Variants in PCDH15 observed in about 807,000 individuals in gnomAD.
PCDH15 encodes protocadherin-15.
In PCDH15, 129 loss-of-function variants were observed where a neutral mutation model predicts 178.5. The observed-to-expected ratio is 0.72, with a 90% confidence interval of 0.63 to 0.84. The LOEUF is 0.84. PCDH15 is among the 40% of genes least tolerant of loss of function. PCDH15 has a pLI of 0.00. For synonymous variants in PCDH15, 800 were observed against 732.0 expected, an observed-to-expected ratio of 1.09 and a Z score of -1.50; for missense variants, 2,230 against 2,099.9, an observed-to-expected ratio of 1.06 and a Z score of -1.21.
chr10:54,950,546 C>G (rs956043947), intron 2 of PCDH15, among the ~76,000 whole-genome samples: 2 of 151,988 alleles, frequency 1.3e-5, no homozygotes, highest in African/African-American at 4.8e-5. Context: ...TGAGGCCTCC[C>G]TAGCCATGTG....
intron 3 of PCDH15, among the ~76,000 whole-genome samples, chr10:54,809,779 G>A (rs996799595): frequency 5.3e-5 from 8 of 151,770 alleles, no homozygotes; most frequent in Non-Finnish European, 1.0e-4. Context: ...AAGAGACAAA[G>A]AACAAAAAAA....
chr10:53,931,475 T>C (rs1168096811), intron 25 of PCDH15, among the ~76,000 whole-genome samples: 1 of 152,214 alleles, frequency 6.6e-6, no homozygotes, highest in Non-Finnish European at 1.5e-5. Context: ...TTTTAGGCTA[T>C]TGGGATACAT....
At chr10:53,886,604 T>C (rs2081117755) in intron 26 of PCDH15, among the ~76,000 whole-genome samples, 2 of 144,584 alleles carry the variant, frequency 1.4e-5, no homozygotes, top group Admixed American at 7.0e-5. Context: ...TCTTTTTTTT[T>C]TTTTTTTTTT....
chr10:53,888,300 A>ATATATATACATATATACG (rs2081258306), intron 26 of PCDH15, among the ~76,000 whole-genome samples: 1 of 82,018 alleles, frequency 1.2e-5, no homozygotes, highest in African/African-American at 5.0e-5. Context: ...ACATATATAT[A>ATATATATACATATATACG]TATATATATG....
chr10:53,934,554 C>T (rs376225888), intron 25 of PCDH15, among the ~76,000 whole-genome samples: 34 of 150,826 alleles, frequency 2.3e-4, no homozygotes, highest in East Asian at 2.2e-3. Context: ...GCCCAGATCA[C>T]GCCACTGCAC....
At chr10:54,850,060 A>C (rs118177343) in intron 3 of PCDH15, among the ~76,000 whole-genome samples, 3,038 of 152,186 alleles carry the variant, frequency 0.02, 32 homozygotes, top group Non-Finnish European at 0.031. Context: ...TGGATAATAA[A>C]TTCTTTAAAT....
intron 2 of PCDH15, among the ~76,000 whole-genome samples, chr10:54,556,295 C>G (rs909948609): frequency 1.3e-5 from 2 of 152,160 alleles, no homozygotes; most frequent in Non-Finnish European, 2.9e-5. Context: ...TGTACCTGGA[C>G]AGTTTTACTG....
In PCDH15 at chr10:54,022,983, A is replaced by G. The variant is rs61731363; in HGVS notation, c.2435T>C (p.Ile812Thr). 969 of 1,613,974 alleles carry G rather than the reference A, an allele frequency of 6.0e-4. 4 individuals are homozygous for G. The African/African-American group carries it at 0.011, about 19-fold the overall frequency. The change falls in exon 19 of 38, where the codon ATT becomes ACT. Residue 812 changes from isoleucine (I) to threonine (T), a missense_variant. Ile to Thr is a moderately conservative substitution (Grantham distance 89, BLOSUM62 -1). Transcript: ENST00000644397. ...TLTLAIKVLDIDDNSPVFTNS... is the reference protein window; with the variant it reads ...TLTLAIKVLDTDDNSPVFTNS... The stretch of plus-strand genomic sequence containing the variant: ...GGTGAACACAGGACTGTTATCATCA[A>G]TGTCCAAAACCTTGATGGCCAAGGT...
At chr10:55,605,598 A>T (rs905355375) in intron 2 of PCDH15, among the ~76,000 whole-genome samples, 5 of 149,786 alleles carry the variant, frequency 3.3e-5, no homozygotes, top group Non-Finnish European at 1.5e-5. Flanking sequence ...CATTATACGC[A>T]AATCAATAAA....
rs908884526 is a variant in PCDH15, at chr10:55,180,520, A to G, written c.-155-13869T>C. Among the ~76,000 whole-genome samples, 22 of 152,138 alleles carry G rather than the reference A, an allele frequency of 1.4e-4. 1 individual carries two copies. The highest frequency in any genetic ancestry group is 1.2e-3 in the Admixed American group (19 of 15,250). On this transcript the variant is annotated intron_variant, in intron 1 of 5. Coordinates refer to the PCDH15 transcript ENST00000458638. ...CTATTCACTTGTCCATCTATTCAAC[A>G]GTGATTTATGAAATGCCTGCTATGA...
intron 2 of PCDH15, among the ~76,000 whole-genome samples, chr10:55,382,448 G>T (rs1837558270): frequency 1.3e-5 from 2 of 152,154 alleles, no homozygotes; most frequent in Non-Finnish European, 2.9e-5. Context: ...ATCTACCATT[G>T]TTGGTAGATT....
chr10:54,410,635 T>G (rs542062844), intron 3 of PCDH15, among the ~76,000 whole-genome samples: 1 of 152,254 alleles, frequency 6.6e-6, no homozygotes, highest in African/African-American at 2.4e-5. Context: ...TACTTGCAAA[T>G]AATCTCATTC....
intron 25 of PCDH15, among the ~76,000 whole-genome samples, chr10:53,911,666 T>C (rs2083097349): frequency 6.6e-6 from 1 of 152,106 alleles, no homozygotes; most frequent in African/African-American, 2.4e-5. Flanking sequence ...CAGGAGCTGG[T>C]TTTTTGAAAA....
At chr10:54,292,839 T>C (rs914035915) in intron 8 of PCDH15, among the ~76,000 whole-genome samples, 3 of 152,034 alleles carry the variant, frequency 2.0e-5, no homozygotes, top group African/African-American at 7.2e-5. Context: ...GGAAGAAAAT[T>C]CCATGCTCAT....
intron 3 of PCDH15, among the ~76,000 whole-genome samples, chr10:54,423,974 G>T (rs781747744): frequency 6.6e-6 from 1 of 151,914 alleles, no homozygotes; most frequent in Non-Finnish European, 1.5e-5. Context: ...CATGTCTAAA[G>T]CACCAAAAGC....
chr10:54,994,722 C>G (rs1839592747), intron 2 of PCDH15, among the ~76,000 whole-genome samples: 1 of 151,966 alleles, frequency 6.6e-6, no homozygotes, highest in Admixed American at 6.6e-5. Context: ...ATACCTATAA[C>G]TTCATATACA....
chr10:55,039,694 G>A (rs529222733), intron 2 of PCDH15, among the ~76,000 whole-genome samples: 1 of 152,124 alleles, frequency 6.6e-6, no homozygotes, highest in African/African-American at 2.4e-5. Context: ...GGGAGATGGA[G>A]GAGAATGTAA....
chr10:54,490,343 G>T (rs916342170), intron 3 of PCDH15, among the ~76,000 whole-genome samples: 1 of 151,852 alleles, frequency 6.6e-6, no homozygotes, highest in South Asian at 2.1e-4. Flanking sequence ...CCAACTACTC[G>T]GGAGGCTGAG....
intron 3 of PCDH15, among the ~76,000 whole-genome samples, chr10:54,814,796 G>T (rs957665478): frequency 6.6e-6 from 1 of 152,032 alleles, no homozygotes; most frequent in Non-Finnish European, 1.5e-5. Context: ...CATGCTTAGC[G>T]TTCCAATCAT....
Sources: allele counts gnomAD v4.1 joint callset (sites outside exome capture counted in the v4.1 genomes callset), GRCh38; gene constraint gnomAD v4.1.1; transcripts MANE v1.5; gene names NCBI Gene and HGNC (gene_info 2026-07-23, HGNC 2026-07-21).